Variants in MTMR8 observed in about 807,000 individuals in gnomAD.
MTMR8 encodes the protein myotubularin related protein 8, also known as phosphatidylinositol-3,5-bisphosphate 3-phosphatase MTMR8.
MTMR8 carries 65 observed loss-of-function variants against 39.3 expected under a neutral mutation model. That is an observed-to-expected ratio of 1.65 (90% CI 1.35 to 2.03). The LOEUF is 2.03. Among genes scored for constraint, MTMR8 ranks in the 30% most tolerant of loss-of-function variants. The pLI is 0.00. For synonymous variants in MTMR8, 245 were observed against 185.2 expected, an observed-to-expected ratio of 1.32 and a Z score of -2.62; for missense variants, 777 against 538.9, an observed-to-expected ratio of 1.44 and a Z score of -4.37.
At chrX:64,360,806 GT>G (rs1394710542) in intron 1 of MTMR8, among the ~76,000 whole-genome samples, 1 of 111,652 alleles carries the variant, frequency 9.0e-6, no homozygotes, top group Admixed American at 9.5e-5. Context: ...GAACTAAGAA[GT>G]AAATGTATAG....
chrX:64,268,702 T>C lies in MTMR8; in HGVS notation c.1950A>G (p.Lys650=). ...CCATGGCCCCACAGATTCCTAAGTC[T>C]TTGGAGAAGCCCGTAGCCTCAAAGG... is the stretch of plus-strand genomic sequence containing the variant. The part of the protein sequence containing the change: ...MCTFEATGFS[K]DLGICGAMDI... The change falls in exon 14 of 14, where the codon AAA becomes AAG. Residue 650 remains lysine (K), a synonymous_variant. Transcript: ENST00000374852. 1 of 1,211,460 alleles carries C rather than the reference T, an allele frequency of 8.3e-7. No homozygotes were observed. Among genetic ancestry groups the C allele is most frequent in the Non-Finnish European group, 1.1e-6 (1 of 895,441 alleles).
intron 2 of MTMR8, among the ~76,000 whole-genome samples, chrX:64,356,561 C>A (rs1923631608): frequency 1.8e-5 from 2 of 110,695 alleles, no homozygotes; most frequent in Admixed American, 9.7e-5. Context: ...TAGAAAACTT[C>A]TCTCTCCTTA....
intron 12 of MTMR8, among the ~76,000 whole-genome samples, chrX:64,297,609 G>T (rs1460763023): frequency 1.3e-3 from 117 of 90,960 alleles, no homozygotes; most frequent in African/African-American, 4.7e-3. Flanking sequence ...GTCAATTTTG[G>T]CTTTTGTTGC....
intron 12 of MTMR8, among the ~76,000 whole-genome samples, chrX:64,302,377 G>A (rs946782330): frequency 6.2e-5 from 7 of 112,408 alleles, no homozygotes; most frequent in East Asian, 5.7e-4. Context: ...GGAACTCCCC[G>A]ACCCCTTGCG....
At chrX:64,311,426 T>C (rs1248220858) in intron 12 of MTMR8, among the ~76,000 whole-genome samples, 1 of 111,672 alleles carries the variant, frequency 9.0e-6, no homozygotes, top group African/African-American at 3.3e-5. Context: ...TGCAAAAATT[T>C]TCTCCCATTC....
intron 12 of MTMR8, among the ~76,000 whole-genome samples, chrX:64,307,629 G>T: frequency 9.0e-6 from 1 of 111,274 alleles, no homozygotes; most frequent in South Asian, 3.8e-4. Flanking sequence ...TGAGTATAAT[G>T]GTTCCTCCCA....
chrX:64,293,912 A>C (rs1380612728), intron 12 of MTMR8, among the ~76,000 whole-genome samples: 1 of 111,981 alleles, frequency 8.9e-6, no homozygotes, highest in Non-Finnish European at 1.9e-5. Flanking sequence ...TTCTTCAATC[A>C]GCTCGTAACT....
intron 1 of MTMR8, among the ~76,000 whole-genome samples, chrX:64,366,453 C>T (rs942780982): frequency 3.6e-5 from 4 of 112,106 alleles, no homozygotes; most frequent in Non-Finnish European, 7.5e-5. Context: ...TTAAGAAACT[C>T]ACTCAAAACC....
chrX:64,389,366 G>A (rs958865350), intron 1 of MTMR8, among the ~76,000 whole-genome samples: 37 of 111,170 alleles, frequency 3.3e-4, no homozygotes, highest in Middle Eastern at 4.7e-3. Flanking sequence ...TTAGCAAAAC[G>A]TCTCTCTAAA....
intron 10 of MTMR8, 63 bp downstream of exon 10, chrX:64,336,016 T>C (rs1189774045): frequency 2.3e-6 from 2 of 864,788 alleles, no homozygotes; most frequent in East Asian, 6.6e-5. Context: ...TACTGAGGTT[T>C]TGATATACTT....
chrX:64,378,299 C>T (rs907948023), intron 1 of MTMR8, among the ~76,000 whole-genome samples: 2 of 112,078 alleles, frequency 1.8e-5, no homozygotes, highest in Non-Finnish European at 3.8e-5. Flanking sequence ...TGGCTCATTG[C>T]AGCCTCAACC....
intron 1 of MTMR8, among the ~76,000 whole-genome samples, chrX:64,390,195 G>A (rs1924658670): frequency 8.9e-6 from 1 of 112,180 alleles, no homozygotes; most frequent in African/African-American, 3.2e-5. Flanking sequence ...AAGGGCTAAT[G>A]TAGTTAACAT....
chrX:64,343,764 C>T, intron 7 of MTMR8, 44 bp from the exon 8 acceptor site: 1 of 919,275 alleles, frequency 1.1e-6, no homozygotes, highest in Non-Finnish European at 1.6e-6. Context: ...ACAATCAACT[C>T]AGTTTATTCA....
At chrX:64,306,041 C>T (rs1922103460) in intron 12 of MTMR8, 1 of 196,116 alleles carries the variant, frequency 5.1e-6, no homozygotes, top group Admixed American at 5.7e-5. Context: ...TCTTGAGCTC[C>T]AGAGGTTGAG....
At chrX:64,331,318 G>T (rs1922932934) in intron 11 of MTMR8, 3 of 379,132 alleles carry the variant, frequency 7.9e-6, no homozygotes, top group Admixed American at 4.3e-5. Context: ...TTATTTTACT[G>T]GATCCTCATG....
chrX:64,355,378 AATGGCCC>A (rs951658069), intron 3 of MTMR8, among the ~76,000 whole-genome samples: 1 of 111,492 alleles, frequency 9.0e-6, no homozygotes, highest in African/African-American at 3.3e-5. Flanking sequence ...CTGACTTATA[AATGGCCC>A]CTTCCTCTCT....
At chrX:64,338,956 G>A (rs919706873) in intron 8 of MTMR8, among the ~76,000 whole-genome samples, 1 of 111,426 alleles carries the variant, frequency 9.0e-6, no homozygotes, top group Non-Finnish European at 1.9e-5. Flanking sequence ...GAACACAAAA[G>A]CAAGTTTTAG....
Position 64,349,950 on chromosome X carries a change from C to T in MTMR8, c.589G>A (p.Glu197Lys), listed in dbSNP as rs1357648408. ...AAATCTGCTTAACTTACATTGTTCT[C>T]TTTGTAGAGGTAGGAGAGCACAGGG... The part of the protein sequence containing the change: ...RVPVLSYLYK[E>K]NNAAICRCSQ... Residue 197 changes from glutamate (E) to lysine (K), a missense_variant, in exon 5 of 14, where the codon GAG becomes AAG. Transcript: ENST00000374852. The T allele has an allele frequency of 8.5e-7, 1 of 1,170,389 alleles. No individual in the cohort carries two copies. The highest frequency in any genetic ancestry group is 1.1e-6 in the Non-Finnish European group (1 of 874,379).
At chrX:64,356,531 C>G (rs1161148754) in intron 2 of MTMR8, among the ~76,000 whole-genome samples, 193 bp from the exon 3 acceptor site, 1 of 110,588 alleles carries the variant, frequency 9.0e-6, no homozygotes, top group African/African-American at 3.3e-5. Context: ...GGTAAAGCAA[C>G]AAGAAGCAGA....
Sources: allele counts gnomAD v4.1 joint callset (sites outside exome capture counted in the v4.1 genomes callset), GRCh38; gene constraint gnomAD v4.1.1; transcripts MANE v1.5; gene names NCBI Gene and HGNC (gene_info 2026-07-23, HGNC 2026-07-21).